The following STPG2 variants were observed in gnomAD, a reference collection of about 807,000 sequenced individuals.
STPG2 encodes the protein sperm tail PG-rich repeat containing 2, also known as sperm-tail PG-rich repeat-containing protein 2.
Under a neutral mutation model 54.2 loss-of-function variants are expected in STPG2, and 56 were observed. The observed-to-expected ratio is 1.03, with a 90% CI of 0.83 to 1.29. The LOEUF is 1.29. Among genes scored for constraint, STPG2 ranks in the 50% most tolerant of loss-of-function variants. The pLI is 0.00. For missense variants in STPG2, 596 were observed against 544.9 expected (o/e 1.09, Z -0.93); for synonymous variants, 200 against 181.8 (o/e 1.10, Z -0.81).
At chr4:97,982,028 G>A (rs957379707) in intron 5 of STPG2, among the ~76,000 whole-genome samples, 1 of 151,722 alleles carries the variant, frequency 6.6e-6, no homozygotes. Context: ...GGGACCACAG[G>A]CACCCGCCAC....
At chr4:97,827,981 C>T (rs966192194) in intron 9 of STPG2, among the ~76,000 whole-genome samples, 2 of 152,008 alleles carry the variant, frequency 1.3e-5, no homozygotes, top group African/African-American at 4.8e-5. Flanking sequence ...AAACCCATGA[C>T]CAGACTTGGC....
intron 10 of STPG2, among the ~76,000 whole-genome samples, chr4:97,688,082 T>G (rs1052749603): frequency 6.6e-6 from 1 of 152,176 alleles, no homozygotes; most frequent in Non-Finnish European, 1.5e-5. Context: ...CAAATATTTA[T>G]TTAAAACCCA....
chr4:97,545,912 A>T (rs1731824455), intron 4 of STPG2, among the ~76,000 whole-genome samples: 1 of 152,118 alleles, frequency 6.6e-6, no homozygotes, highest in South Asian at 2.1e-4. Flanking sequence ...GTGCAATTCC[A>T]TGAAGACATT....
intron 9 of STPG2, among the ~76,000 whole-genome samples, chr4:97,750,982 A>T (rs1288501435): frequency 6.6e-6 from 1 of 151,818 alleles, no homozygotes; most frequent in South Asian, 2.1e-4. Flanking sequence ...ACTTTAGAAA[A>T]CTGAATTCTC....
Position 98,046,753 on chromosome 4 carries a change from C to A in STPG2, c.612+59200G>T, listed in dbSNP as rs565646744. ...AGATGGAGAGAGGATCAGTGGCAAA[C>A]ATCTCCACTCTCATTCAGACCACAC... On this transcript the variant is annotated intron_variant, in intron 5 of 10. Transcript: ENST00000295268. Among the ~76,000 whole-genome samples, 7 of 152,258 alleles carry A rather than the reference C, an allele frequency of 4.6e-5. No individual in the cohort carries two copies. In the South Asian group the frequency reaches 1.4e-3, roughly 32 times the overall value.
At position 98,001,651 on chromosome 4, in the gene STPG2, G is replaced by A. The variant is rs77010289; in HGVS notation, c.613-20333C>T. On this transcript the variant is annotated intron_variant, in intron 5 of 10. Coordinates refer to ENST00000295268, the MANE Select transcript of STPG2 (RefSeq NM_174952.3). ...ACTTGCAAAGACAGAGAATTCAAAT[G>A]CCTGCTAGGACAAGGCAGGCAAATA... Among the ~76,000 whole-genome samples the A allele has an allele frequency of 2.0e-3, 300 of 152,220 alleles. 1 individual carries two copies. The highest frequency in any genetic ancestry group is 3.5e-3 in the Admixed American group (53 of 15,250).
At chr4:97,543,554 G>T (rs769878245) in intron 4 of STPG2, among the ~76,000 whole-genome samples, 2 of 151,884 alleles carry the variant, frequency 1.3e-5, no homozygotes, top group Non-Finnish European at 2.9e-5. Flanking sequence ...AATTAAACAA[G>T]CTTCTATTTT....
intron 5 of STPG2, among the ~76,000 whole-genome samples, chr4:98,058,633 T>C (rs763824602): frequency 2.0e-5 from 3 of 152,036 alleles, no homozygotes; most frequent in Non-Finnish European, 2.9e-5. Context: ...CTACACTCCA[T>C]TGACAGTATT....
At chr4:97,716,462 T>C (rs1374728268) in intron 9 of STPG2, among the ~76,000 whole-genome samples, 2 of 152,064 alleles carry the variant, frequency 1.3e-5, no homozygotes, top group African/African-American at 4.8e-5. Context: ...TGCCCATCAA[T>C]GATAGACTAG....
intron 10 of STPG2, among the ~76,000 whole-genome samples, chr4:97,634,122 T>G (rs1429139498): frequency 6.6e-6 from 1 of 152,152 alleles, no homozygotes; most frequent in African/African-American, 2.4e-5. Context: ...GCAGGGGTTC[T>G]CCCAGTACAC....
intron 6 of STPG2, among the ~76,000 whole-genome samples, chr4:97,975,365 C>T (rs1194147105): frequency 6.6e-6 from 1 of 151,974 alleles, no homozygotes; most frequent in African/African-American, 2.4e-5. Context: ...CAATAAAATA[C>T]ATTTCACAAA....
At chr4:97,895,924 T>C (rs1730937381) in intron 8 of STPG2, among the ~76,000 whole-genome samples, 1 of 151,784 alleles carries the variant, frequency 6.6e-6, no homozygotes, top group Admixed American at 6.6e-5. Flanking sequence ...ATTTCACAAG[T>C]TCCCAGATAA....
chr4:97,738,510 G>A (rs1474862892), intron 9 of STPG2, among the ~76,000 whole-genome samples: 2 of 152,098 alleles, frequency 1.3e-5, no homozygotes, highest in East Asian at 3.8e-4. Flanking sequence ...TAAAAGGATG[G>A]AGAAAGATCT....
chr4:97,935,386 T>C (rs760401510), intron 8 of STPG2, among the ~76,000 whole-genome samples: 76 of 152,204 alleles, frequency 5.0e-4, no homozygotes, highest in Non-Finnish European at 9.0e-4. Context: ...CTCCTTCAGT[T>C]CCAATCTGAT....
At chr4:97,794,083 G>A (rs1415063852) in intron 9 of STPG2, among the ~76,000 whole-genome samples, 3 of 151,890 alleles carry the variant, frequency 2.0e-5, no homozygotes, top group Non-Finnish European at 2.9e-5. Context: ...TTATTGCTTT[G>A]TAATATATTT....
Position 97,963,383 on chromosome 4 carries a change from G to A in STPG2, c.933+8897C>T, listed in dbSNP as rs920901956. 2.2e-4 allele frequency among the ~76,000 whole-genome samples: 33 copies of A among 152,158 alleles called. 1 individual carries two copies. The highest frequency in any genetic ancestry group is 1.4e-3 in the East Asian group (7 of 5,180). On this transcript the variant is annotated intron_variant, in intron 7 of 10. Coordinates refer to ENST00000295268, the MANE Select transcript of STPG2 (RefSeq NM_174952.3). ...TTTACCACAAAAATATATACTGGGCGTGGTGGCTCACCCCTGTAACCCCAC... is the reference window on the plus strand; with the variant it reads ...TTTACCACAAAAATATATACTGGGCATGGTGGCTCACCCCTGTAACCCCAC...
chr4:97,717,545 A>C (rs1253528179), intron 9 of STPG2, among the ~76,000 whole-genome samples: 3 of 152,200 alleles, frequency 2.0e-5, no homozygotes, highest in Non-Finnish European at 4.4e-5. Flanking sequence ...TGACTGAAAT[A>C]TCTCTTCAGA....
At chr4:97,538,431 A>G (rs1731595419) in intron 4 of STPG2, among the ~76,000 whole-genome samples, 1 of 152,224 alleles carries the variant, frequency 6.6e-6, no homozygotes, top group African/African-American at 2.4e-5. Flanking sequence ...CAACTGGAAG[A>G]AAGGATATCA....
At chr4:98,084,470 A>T (rs1738447001) in intron 5 of STPG2, among the ~76,000 whole-genome samples, 1 of 152,184 alleles carries the variant, frequency 6.6e-6, no homozygotes. Flanking sequence ...TTTCTGTTAC[A>T]CGAATAGGAG....
Sources: allele counts gnomAD v4.1 joint callset (sites outside exome capture counted in the v4.1 genomes callset), GRCh38; gene constraint gnomAD v4.1.1; transcripts MANE v1.5; gene names NCBI Gene and HGNC (gene_info 2026-07-23, HGNC 2026-07-21).